The following SCN2A variants were observed in gnomAD, a reference collection of about 807,000 sequenced individuals.
SCN2A encodes the protein sodium channel protein type 2 subunit alpha.
Under a neutral mutation model 188.7 loss-of-function variants are expected in SCN2A, and 20 were observed. The observed-to-expected ratio is 0.11, with a 90% CI of 0.07 to 0.15. The LOEUF (loss-of-function observed/expected upper bound fraction) is 0.15. Among genes scored for constraint, SCN2A ranks in the 10% least tolerant of loss-of-function variants. The pLI is 1.00. For synonymous variants in SCN2A, 804 were observed against 833.1 expected (o/e 0.97, Z 0.60); for missense variants, 1,278 against 2,445.0 (o/e 0.52, Z 10.07).
chr2:165,306,658 G>A (rs1324644903), intron 3 of SCN2A, among the ~76,000 whole-genome samples: 1 of 151,750 alleles, frequency 6.6e-6, no homozygotes, highest in Non-Finnish European at 1.5e-5. Context: ...TTACAGCACA[G>A]CTACTAAAAT....
chr2:165,278,530 C>A (rs994523264), intron 1 of SCN2A, among the ~76,000 whole-genome samples: 1 of 152,138 alleles, frequency 6.6e-6, no homozygotes, highest in African/African-American at 2.4e-5. Context: ...CAATTACCTC[C>A]ACCTAGTCTC....
At chr2:165,388,541 C>T in intron 26 of SCN2A, 88 bp from the exon 27 acceptor site, 1 of 1,567,708 alleles carries the variant, frequency 6.4e-7, no homozygotes, top group South Asian at 1.1e-5. Flanking sequence ...GTCCTGTTCA[C>T]ATTTTGTAAA....
intron 14 of SCN2A, among the ~76,000 whole-genome samples, chr2:165,341,153 G>A (rs941346516): frequency 2.0e-5 from 3 of 152,184 alleles, no homozygotes; most frequent in Non-Finnish European, 2.9e-5. Flanking sequence ...GAGTGCAGTG[G>A]CGCTATCTCG....
At chr2:165,263,670 C>G (rs1028107655) in intron 1 of SCN2A, among the ~76,000 whole-genome samples, 1 of 151,914 alleles carries the variant, frequency 6.6e-6, no homozygotes, top group African/African-American at 2.4e-5. Context: ...TTTGTTCTTT[C>G]TGTTTAGTCT....
chr2:165,291,498 T>TCTTTCTTTC (rs1553563622), intron 1 of SCN2A, among the ~76,000 whole-genome samples: 3 of 129,680 alleles, frequency 2.3e-5, no homozygotes, highest in Non-Finnish European at 1.6e-5. Context: ...TTCTTTTCTT[T>TCTTTCTTTC]CTTTCTTTCT....
intron 25 of SCN2A, among the ~76,000 whole-genome samples, chr2:165,385,642 A>G (rs1176766981): frequency 1.3e-5 from 2 of 152,190 alleles, no homozygotes; most frequent in East Asian, 1.9e-4. Context: ...TCTTGATATA[A>G]TACCATTAAA....
At chr2:165,282,482 CAAAT>C (rs1695624195) in intron 1 of SCN2A, among the ~76,000 whole-genome samples, 1 of 152,168 alleles carries the variant, frequency 6.6e-6, no homozygotes. Flanking sequence ...CATTAAATAG[CAAAT>C]AAAAGCCATC....
Position 165,264,221 on chromosome 2 carries a change from C to G in SCN2A, c.-52+24581C>G, listed in dbSNP as rs189806820. Among the ~76,000 whole-genome samples, 41 of 152,058 alleles carry G rather than the reference C, an allele frequency of 2.7e-4. 1 individual carries two copies. In the East Asian group the frequency reaches 6.2e-3, roughly 23 times the overall value. On this transcript the variant is annotated intron_variant, in intron 1 of 26. Transcript: ENST00000375437. ...AAAGTGGGCAAAATCCTGCACTAACCAAATCCCACAGCATATCAAAAAGAT... is the reference window on the plus strand; with the variant it reads ...AAAGTGGGCAAAATCCTGCACTAACGAAATCCCACAGCATATCAAAAAGAT...
chr2:165,373,124 A>G, intron 20 of SCN2A, 101 bp from the exon 21 acceptor site: 1 of 1,324,072 alleles, frequency 7.6e-7, no homozygotes, highest in East Asian at 2.3e-5. Flanking sequence ...TTTGAAACTC[A>G]TGAAAGTTCG....
At chr2:165,256,090 C>G (rs547847135) in intron 1 of SCN2A, among the ~76,000 whole-genome samples, 30 of 145,008 alleles carry the variant, frequency 2.1e-4, no homozygotes, top group Non-Finnish European at 3.7e-4. Context: ...ACTACAACCT[C>G]CGCCTCCCGG....
rs75109281 is a variant in SCN2A at position 165,380,550 on chromosome 2, C to T, written c.4309-42C>T. ...ACTCACTGATGTACTTTTTGTGAAACAAGTACTAGATATAATGGTTACAAT... is the reference window on the plus strand; with the variant it reads ...ACTCACTGATGTACTTTTTGTGAAATAAGTACTAGATATAATGGTTACAAT... On this transcript the variant is annotated intron_variant, in intron 23 of 26. Transcript: ENST00000375437. The T allele has an allele frequency of 8.9e-4, 1,283 of 1,439,438 alleles. 11 individuals are homozygous for T. The African/African-American group carries it at 0.016, about 18-fold the overall frequency. The allele number at this position is 1,439,438 out of a possible 1,614,324, so 89.2% of individuals were successfully genotyped here.
chr2:165,323,085 A>C (rs1698156325), intron 11 of SCN2A, 71 bp from the exon 12 acceptor site: 1 of 1,403,772 alleles, frequency 7.1e-7, no homozygotes, highest in Non-Finnish European at 1.0e-6. Context: ...AATGAATCAA[A>C]TTCTGTTTTT....
At chr2:165,387,784 T>C (rs1320699208) in intron 26 of SCN2A, among the ~76,000 whole-genome samples, 1 of 152,128 alleles carries the variant, frequency 6.6e-6, no homozygotes, top group South Asian at 2.1e-4. Flanking sequence ...TATAGCACTC[T>C]TTAAACTACT....
At chr2:165,331,025 G>A (rs551036439) in intron 13 of SCN2A, among the ~76,000 whole-genome samples, 4 of 152,076 alleles carry the variant, frequency 2.6e-5, no homozygotes, top group East Asian at 1.9e-4. Context: ...TTAAGTGTAT[G>A]CAATGCAAGT....
chr2:165,374,332 T>A (rs1701199545), intron 21 of SCN2A, among the ~76,000 whole-genome samples: 1 of 152,234 alleles, frequency 6.6e-6, no homozygotes, highest in East Asian at 1.9e-4. Context: ...GGACAGCAAA[T>A]TGTATGGTTT....
chr2:165,349,018 TA>T (rs1453176975), intron 16 of SCN2A, among the ~76,000 whole-genome samples: 1 of 152,232 alleles, frequency 6.6e-6, no homozygotes, highest in Non-Finnish European at 1.5e-5. Flanking sequence ...CAAGCTACTA[TA>T]ATCCCCAAGA....
chr2:165,293,783 G>C (rs972360748), intron 1 of SCN2A: 2 of 950,764 alleles, frequency 2.1e-6, no homozygotes, highest in Non-Finnish European at 2.5e-6. Flanking sequence ...TTAATGTTTC[G>C]TTCCAAGAAA....
At chr2:165,262,455 T>A (rs944420776) in intron 1 of SCN2A, among the ~76,000 whole-genome samples, 3 of 152,140 alleles carry the variant, frequency 2.0e-5, no homozygotes, top group Non-Finnish European at 4.4e-5. Flanking sequence ...CATTTGTGAG[T>A]GAGAACTTAC....
chr2:165,370,567 A>G, intron 20 of SCN2A: 1 of 372,822 alleles, frequency 2.7e-6, no homozygotes, highest in Non-Finnish European at 4.9e-6. Context: ...GCAAAATAAA[A>G]TATGAATTTA....
Sources: gnomAD v4.1 joint callset for allele counts (sites outside exome capture counted in the v4.1 genomes callset) on GRCh38, gnomAD v4.1.1 for gene constraint, MANE v1.5 for transcripts, NCBI Gene and HGNC (gene_info 2026-07-23, HGNC 2026-07-21) for gene names.